PTPRD: variants seen among roughly 807,000 people sequenced by gnomAD.
PTPRD encodes the protein protein tyrosine phosphatase receptor type D.
In PTPRD, 34 loss-of-function variants were observed where a neutral mutation model predicts 214.5. The observed-to-expected ratio is 0.16, with a 90% confidence interval of 0.12 to 0.21. The LOEUF (loss-of-function observed/expected upper bound fraction) is 0.21. PTPRD is among the 10% of genes least tolerant of loss of function. PTPRD has a pLI of 1.00. For missense variants in PTPRD, 2,545 were observed against 2,398.7 expected (o/e 1.06, Z -1.27); for synonymous variants, 1,128 against 845.7 (o/e 1.33, Z -5.79).
intron 30 of PTPRD, among the ~76,000 whole-genome samples, chr9:8,476,924 T>G (rs2096777170): frequency 6.6e-6 from 1 of 152,126 alleles, no homozygotes; most frequent in Non-Finnish European, 1.5e-5. Flanking sequence ...CATGCCCAAA[T>G]AGAGTTTCTA....
intron 5 of PTPRD, among the ~76,000 whole-genome samples, chr9:9,881,425 C>T (rs891816809): frequency 2.0e-4 from 30 of 152,240 alleles, no homozygotes; most frequent in African/African-American, 6.5e-4. Context: ...TCAAGAGCTT[C>T]GTAGTCTGAC....
intron 11 of PTPRD, among the ~76,000 whole-genome samples, chr9:8,837,983 T>C (rs1164219425): frequency 6.6e-6 from 1 of 152,178 alleles, no homozygotes; most frequent in African/African-American, 2.4e-5. Context: ...TGTGAAAATA[T>C]GAATTAAGGC....
At chr9:10,041,691 A>C (rs1169417749) in intron 3 of PTPRD, among the ~76,000 whole-genome samples, 2 of 152,004 alleles carry the variant, frequency 1.3e-5, no homozygotes, top group African/African-American at 4.8e-5. Flanking sequence ...TAACTTATTT[A>C]ATTTTACTGA....
chr9:8,327,777 G>T (rs12351877), intron 44 of PTPRD, among the ~76,000 whole-genome samples: 19,142 of 149,902 alleles, frequency 0.13, 1,447 homozygotes, highest in African/African-American at 0.21. Flanking sequence ...ATTGACCTCT[G>T]TACGTAATGC....
intron 5 of PTPRD, among the ~76,000 whole-genome samples, chr9:9,787,023 A>C (rs1047666310): frequency 2.0e-5 from 3 of 151,938 alleles, no homozygotes; most frequent in African/African-American, 7.3e-5. Context: ...TGAAGTCCCA[A>C]CTACTTGGAA....
intron 10 of PTPRD, among the ~76,000 whole-genome samples, chr9:9,141,111 TCTC>T (rs1291141349): frequency 4.0e-5 from 6 of 150,986 alleles, no homozygotes; most frequent in African/African-American, 9.7e-5. Flanking sequence ...TCTTCTTCCT[TCTC>T]CTCTTCTTCT....
At chr9:9,202,532 A>G (rs1329757202) in intron 9 of PTPRD, among the ~76,000 whole-genome samples, 3 of 152,184 alleles carry the variant, frequency 2.0e-5, no homozygotes, top group Non-Finnish European at 4.4e-5. Context: ...AGGCCACATT[A>G]CATCAGATGC....
chr9:8,492,703 AT>A (rs5896249), intron 27 of PTPRD, among the ~76,000 whole-genome samples, 158 bp downstream of exon 27: 50,208 of 143,140 alleles, frequency 0.35, 8,637 homozygotes, highest in African/African-American at 0.44. Flanking sequence ...TCCCTGATCT[AT>A]TTTTTTTTTT....
At chr9:8,605,347 G>C (rs1378878368) in intron 14 of PTPRD, among the ~76,000 whole-genome samples, 1 of 152,108 alleles carries the variant, frequency 6.6e-6, no homozygotes, top group Non-Finnish European at 1.5e-5. Flanking sequence ...CATTATCATA[G>C]TTTTGCCTGC....
At chr9:9,772,610 A>G (rs1419881084) in intron 5 of PTPRD, among the ~76,000 whole-genome samples, 6 of 152,152 alleles carry the variant, frequency 3.9e-5, no homozygotes, top group Non-Finnish European at 8.8e-5. Context: ...TGACCTGAAG[A>G]TTGTCTATCA....
At chr9:9,051,277 T>A (rs324459) in intron 10 of PTPRD, among the ~76,000 whole-genome samples, 46,531 of 152,058 alleles carry the variant, frequency 0.31, 7,353 homozygotes, top group Non-Finnish European at 0.33. Context: ...ACCAGTTTTG[T>A]TTGTTTTTAA....
chr9:9,284,813 CT>C (rs1948849904), intron 9 of PTPRD, among the ~76,000 whole-genome samples: 1 of 151,734 alleles, frequency 6.6e-6, no homozygotes, highest in African/African-American at 2.4e-5. Flanking sequence ...CCTTTCCCAG[CT>C]TTTATTTCAT....
At chr9:10,460,754 G>C (rs1250932372) in intron 2 of PTPRD, among the ~76,000 whole-genome samples, 3 of 152,028 alleles carry the variant, frequency 2.0e-5, no homozygotes, top group South Asian at 2.1e-4. Flanking sequence ...ATGGATGAGA[G>C]ACCTAAACAT....
intron 5 of PTPRD, among the ~76,000 whole-genome samples, chr9:9,865,815 C>G (rs746524252): frequency 9.2e-5 from 14 of 152,134 alleles, no homozygotes; most frequent in Non-Finnish European, 2.1e-4. Context: ...TCCATTTTAG[C>G]CGATTAAAGA....
chr9:8,939,590 C>CACAT (rs1655134874), intron 11 of PTPRD, among the ~76,000 whole-genome samples: 1 of 151,910 alleles, frequency 6.6e-6, no homozygotes, highest in Non-Finnish European at 1.5e-5. Flanking sequence ...CACACACACA[C>CACAT]ATCAGCTTAT....
chr9:10,440,485 T>C (rs2098751413), intron 2 of PTPRD, among the ~76,000 whole-genome samples: 1 of 151,616 alleles, frequency 6.6e-6, no homozygotes, highest in East Asian at 1.9e-4. Context: ...GAAAGGGTGG[T>C]CTGGAGATTT....
At chr9:9,885,918 T>A (rs1247308939) in intron 5 of PTPRD, among the ~76,000 whole-genome samples, 1 of 151,638 alleles carries the variant, frequency 6.6e-6, no homozygotes, top group Non-Finnish European at 1.5e-5. Flanking sequence ...CTGAAAGAGA[T>A]CTGTGAGTGT....
rs566394716 is a variant in PTPRD at position 9,691,727 on chromosome 9, T to C, written c.-287+42806A>G. Among the ~76,000 whole-genome samples, 116 of 152,218 alleles carry C rather than the reference T, an allele frequency of 7.6e-4. 1 individual carries two copies. In the South Asian group the frequency reaches 0.021, roughly 27 times the overall value. Reference sequence around the variant, plus strand: ...CTGTTCTCCATAGTAGTTGTACTAATTTACATTCCCACCAATAGTATACAA... The same window carrying C: ...CTGTTCTCCATAGTAGTTGTACTAACTTACATTCCCACCAATAGTATACAA... On this transcript the variant is annotated intron_variant, in intron 7 of 45. Coordinates refer to ENST00000381196, the MANE Select transcript of PTPRD (RefSeq NM_002839.4).
chr9:9,177,489 A>G (rs2099925616), intron 10 of PTPRD, among the ~76,000 whole-genome samples: 1 of 152,138 alleles, frequency 6.6e-6, no homozygotes, highest in African/African-American at 2.4e-5. Flanking sequence ...TATACTCATT[A>G]ATATATTGCA....
Sources: gnomAD v4.1 joint callset for allele counts (sites outside exome capture counted in the v4.1 genomes callset) on GRCh38, gnomAD v4.1.1 for gene constraint, MANE v1.5 for transcripts, NCBI Gene and HGNC (gene_info 2026-07-23, HGNC 2026-07-21) for gene names.